ABL1: variants seen among roughly 807,000 people sequenced by gnomAD.
ABL1 encodes the protein ABL proto-oncogene 1, non-receptor tyrosine kinase.
Under a neutral mutation model 94.7 loss-of-function variants are expected in ABL1, and 11 were observed. The observed-to-expected ratio is 0.12, with a 90% confidence interval of 0.07 to 0.19. The LOEUF (loss-of-function observed/expected upper bound fraction) is 0.19, where lower values mean the gene tolerates loss of function less well. Among genes scored for constraint, ABL1 ranks in the 10% least tolerant of loss-of-function variants. ABL1 has a pLI of 1.00. For missense variants in ABL1, 1,082 were observed against 1,489.4 expected, an observed-to-expected ratio of 0.73 and a Z score of 4.50; for synonymous variants, 656 against 622.4, an observed-to-expected ratio of 1.05 and a Z score of -0.80.
intron 1 of ABL1, chr9:130,724,830 T>G (rs1172603368): frequency 4.1e-6 from 2 of 490,040 alleles, no homozygotes; most frequent in African/African-American, 2.0e-5. Flanking sequence ...GGTTTAGGTG[T>G]TGTTCCTTTA....
intron 1 of ABL1, among the ~76,000 whole-genome samples, chr9:130,727,599 T>C (rs12347662): frequency 0.28 from 42,386 of 151,584 alleles, 8,583 homozygotes; most frequent in African/African-American, 0.54. Flanking sequence ...TGTCTCTTAC[T>C]AAAAATACAA....
chr9:130,875,152 G>GTT lies in ABL1; in HGVS notation c.1270+106_1270+107dup, dbSNP rs11392337. ...CCCTTTCTTTTCTTCCTTTCTTTTT[G>GTT]TTTTTTTGAGACGGAGTCTCACTCT... On this transcript the variant is annotated intron_variant, in intron 7 of 10. Transcript: ENST00000318560. 7 of 1,333,066 alleles carry GTT rather than the reference G, an allele frequency of 5.3e-6. No individual in the cohort carries two copies. The African/African-American group carries it at 1.0e-4, about 20-fold the overall frequency. 82.6% of individuals were successfully genotyped at this position (1,333,066 alleles called of 1,614,324 possible). A position where few individuals can be genotyped will look rare whatever the true frequency, so the allele number is the denominator to read the frequency against.
At chr9:130,747,411 TC>T (rs1831901690) in intron 1 of ABL1, among the ~76,000 whole-genome samples, 1 of 151,872 alleles carries the variant, frequency 6.6e-6, no homozygotes, top group African/African-American at 2.4e-5. Context: ...CCCTCAGTCT[TC>T]CTCTTTTTTT....
chr9:130,739,686 T>G (rs1687957685), intron 1 of ABL1, among the ~76,000 whole-genome samples: 1 of 152,184 alleles, frequency 6.6e-6, no homozygotes, highest in Non-Finnish European at 1.5e-5. Context: ...TGTATGGATT[T>G]TATAAGTTGA....
At chr9:130,801,289 G>A (rs556503816) in intron 1 of ABL1, among the ~76,000 whole-genome samples, 10 of 151,558 alleles carry the variant, frequency 6.6e-5, no homozygotes, top group Admixed American at 5.9e-4. Context: ...GAGTGCAGTG[G>A]CACACTTGGC....
At chr9:130,800,321 A>G (rs997377695) in intron 1 of ABL1, among the ~76,000 whole-genome samples, 9 of 152,110 alleles carry the variant, frequency 5.9e-5, no homozygotes, top group African/African-American at 1.9e-4. Context: ...CTGTGTGTCA[A>G]TCATGTAACC....
rs149066200 is a variant in ABL1, at chr9:130,863,523, C to G, written c.822+488C>G. On this transcript the variant is annotated intron_variant, in intron 4 of 10. Transcript: ENST00000318560. This position sits in a 1 kb window ranked among gnomAD's most constrained non-coding sequence, Gnocchi z 4.3. Reference sequence around the variant, plus strand: ...AGTGGGTTCCAATTCTGCAGCTGCCCAGACTCCTGCAGGCAGAGGTGGAAG... The same window carrying G: ...AGTGGGTTCCAATTCTGCAGCTGCCGAGACTCCTGCAGGCAGAGGTGGAAG... Among the ~76,000 whole-genome samples, 151 of 152,328 alleles carry G rather than the reference C, an allele frequency of 9.9e-4. No individual in the cohort carries two copies. The highest frequency in any genetic ancestry group is 3.5e-3 in the African/African-American group (147 of 41,566).
chr9:130,755,043 C>T (rs958056710), intron 1 of ABL1, among the ~76,000 whole-genome samples: 1 of 152,032 alleles, frequency 6.6e-6, no homozygotes, highest in African/African-American at 2.4e-5. Context: ...TTATACATAC[C>T]CAGTAAGATA....
chr9:130,850,636 A>T (rs1258123471), intron 1 of ABL1, among the ~76,000 whole-genome samples: 1 of 152,176 alleles, frequency 6.6e-6, no homozygotes, highest in African/African-American at 2.4e-5. Flanking sequence ...CATCCTGAGT[A>T]GTTGGGGCTA....
intron 10 of ABL1, 139 bp from the exon 11 acceptor site, chr9:130,883,830 G>GTTT: frequency 1.8e-6 from 2 of 1,107,150 alleles, no homozygotes; most frequent in Admixed American, 5.0e-5. Flanking sequence ...TTGTTTGTTT[G>GTTT]TTTGTTTTGA....
intron 1 of ABL1, among the ~76,000 whole-genome samples, chr9:130,744,822 A>G (rs1449448717): frequency 1.4e-5 from 2 of 146,842 alleles, no homozygotes; most frequent in Admixed American, 7.0e-5. Flanking sequence ...GCACCACTGC[A>G]CTCCAGCCTG....
At chr9:130,773,830 T>C (rs1245747082) in intron 1 of ABL1, among the ~76,000 whole-genome samples, 1 of 152,020 alleles carries the variant, frequency 6.6e-6, no homozygotes, top group African/African-American at 2.4e-5. Context: ...ACTGCACATA[T>C]ATAAAGTATA....
intron 1 of ABL1, among the ~76,000 whole-genome samples, chr9:130,850,160 C>T (rs1368008344): frequency 1.3e-5 from 2 of 152,154 alleles, no homozygotes; most frequent in Admixed American, 6.5e-5. Flanking sequence ...AAGCCTGGTT[C>T]TTTCAGATAT....
chr9:130,747,518 A>T (rs1426639701), intron 1 of ABL1, among the ~76,000 whole-genome samples: 1 of 152,004 alleles, frequency 6.6e-6, no homozygotes, highest in Non-Finnish European at 1.5e-5. Flanking sequence ...GGTTCAAGTG[A>T]TTCTCCTGCC....
intron 10 of ABL1, among the ~76,000 whole-genome samples, chr9:130,881,693 G>A (rs2772033): frequency 0.2 from 30,045 of 151,974 alleles, 4,534 homozygotes; most frequent in African/African-American, 0.43. Flanking sequence ...GAGGTGGGGG[G>A]TAGGCCAAGC....
In ABL1 at chr9:130,821,008, C is replaced by T. The variant is rs375577076; in HGVS notation, c.137-33056C>T. Among the ~76,000 whole-genome samples, 3 of 152,202 alleles carry T rather than the reference C, an allele frequency of 2.0e-5. No individual in the cohort carries two copies. The East Asian group carries it at 5.8e-4, about 29-fold the overall frequency. On this transcript the variant is annotated intron_variant, in intron 1 of 10. Coordinates refer to the ABL1 transcript ENST00000372348. ...GCAGTGGTGCAATCTCGGCTCACTG[C>T]AGCCTCCACCTCCCGGGTTCAAGCG...
chr9:130,841,601 A>G (rs1439985120), intron 1 of ABL1, among the ~76,000 whole-genome samples: 2 of 151,692 alleles, frequency 1.3e-5, no homozygotes, highest in African/African-American at 4.8e-5. Context: ...ACCTGAGGTC[A>G]GGAGTTCGAG....
At chr9:130,853,752 C>T (rs527988178) in intron 1 of ABL1, among the ~76,000 whole-genome samples, 131 of 152,298 alleles carry the variant, frequency 8.6e-4, no homozygotes, top group Non-Finnish European at 1.4e-3. Context: ...TAAGCAAAGG[C>T]AAATGCATAT....
rs1441951376 is a variant in ABL1, at chr9:130,872,561, A to G, written c.908-299A>G. Among the ~76,000 whole-genome samples, 1 of 152,208 alleles carries G rather than the reference A, an allele frequency of 6.6e-6. No homozygotes were observed. Among genetic ancestry groups the G allele is most frequent in the Non-Finnish European group, 1.5e-5 (1 of 68,046 alleles). ...ACATAACCATCAGACCTAACCATTC[A>G]GGGGTAAACTGACGGTGGTGAAGGT... On this transcript the variant is annotated intron_variant, in intron 5 of 10. Transcript: ENST00000318560. This position sits in a 1 kb window ranked among gnomAD's most constrained non-coding sequence, Gnocchi z 5.0.
Sources: allele counts gnomAD v4.1 joint callset (sites outside exome capture counted in the v4.1 genomes callset), GRCh38; gene constraint gnomAD v4.1.1; non-coding constraint Gnocchi (gnomAD v3.1); transcripts MANE v1.5; gene names NCBI Gene and HGNC (gene_info 2026-07-23, HGNC 2026-07-21).